Variants in ACTR3C observed in about 807,000 individuals in gnomAD.
The protein encoded by ACTR3C is actin-related protein 3C.
ACTR3C carries 18 observed loss-of-function variants against 26.3 expected under a neutral mutation model. That is an observed-to-expected ratio of 0.68 (90% CI 0.47 to 1.01). ACTR3C has a LOEUF of 1.01. ACTR3C is among the 50% of genes least tolerant of loss of function. ACTR3C has a pLI of 0.00. For missense variants in ACTR3C, 184 were observed against 250.7 expected, an observed-to-expected ratio of 0.73 and a Z score of 1.80; for synonymous variants, 55 against 94.5, an observed-to-expected ratio of 0.58 and a Z score of 2.42.
the ACTR3C span, among the ~76,000 whole-genome samples, chr7:149,928,484 G>A: frequency 1.1e-3 from 171 of 149,528 alleles, no homozygotes; most frequent in African/African-American, 3.9e-3. Flanking sequence ...CTCCCAAAGT[G>A]CTGGGACTAC....
At chr7:150,035,610 C>T in the ACTR3C span, among the ~76,000 whole-genome samples, 3 of 128,448 alleles carry the variant, frequency 2.3e-5, no homozygotes, top group South Asian at 4.9e-4. Context: ...CGTAAGGTAC[C>T]TGCCGTCGGA....
chr7:149,885,430 C>A, the ACTR3C span, among the ~76,000 whole-genome samples: 160 of 152,366 alleles, frequency 1.1e-3, no homozygotes, highest in African/African-American at 3.3e-3. Flanking sequence ...GCTGGTCCCT[C>A]TGCGAGCTGG....
the ACTR3C span, among the ~76,000 whole-genome samples, chr7:150,199,725 C>CAAAAAAAAA: frequency 7.0e-5 from 6 of 86,070 alleles, no homozygotes; most frequent in Non-Finnish European, 1.0e-4. Context: ...ATATTTTTAT[C>CAAAAAAAAA]AAAAAAAAAA....
At chr7:150,149,909 A>G in the ACTR3C span, among the ~76,000 whole-genome samples, 1 of 152,252 alleles carries the variant, frequency 6.6e-6, no homozygotes, top group Non-Finnish European at 1.5e-5. Context: ...ATATGTGCAC[A>G]CTGAGAAAAA....
the ACTR3C span, among the ~76,000 whole-genome samples, chr7:150,194,110 T>C: frequency 6.7e-6 from 1 of 149,752 alleles, no homozygotes; most frequent in Non-Finnish European, 1.5e-5. Context: ...TTTTAAAATT[T>C]TTGGTTTTGT....
the ACTR3C span, among the ~76,000 whole-genome samples, chr7:150,101,663 C>T: frequency 2.0e-4 from 31 of 151,860 alleles, 1 homozygote; most frequent in African/African-American, 5.8e-4. Flanking sequence ...AATCAGTCAT[C>T]GGCCAGCCAC....
the ACTR3C span, among the ~76,000 whole-genome samples, chr7:150,201,133 A>G: frequency 6.6e-6 from 1 of 152,234 alleles, no homozygotes; most frequent in East Asian, 1.9e-4. Flanking sequence ...TCAATTTTCT[A>G]ACAGTGAGCC....
chr7:149,926,917 T>C, the ACTR3C span, among the ~76,000 whole-genome samples: 1 of 152,012 alleles, frequency 6.6e-6, no homozygotes, highest in African/African-American at 2.4e-5. Flanking sequence ...TGTTAAAATA[T>C]GAAGTTCAGC....
At chr7:150,186,865 C>G in the ACTR3C span, among the ~76,000 whole-genome samples, 2 of 152,012 alleles carry the variant, frequency 1.3e-5, no homozygotes, top group East Asian at 3.9e-4. Flanking sequence ...AAGTTGATAT[C>G]AAGAGGCTAT....
At chr7:150,240,403 G>A (rs1404801997), downstream of ACTR3C, among the ~76,000 whole-genome samples, 1 of 152,258 alleles carries the variant, frequency 6.6e-6, no homozygotes, top group East Asian at 1.9e-4. Context: ...TGAGAAGTTG[G>A]AAGTTGGAAA....
the ACTR3C span, among the ~76,000 whole-genome samples, chr7:150,163,504 G>C: frequency 6.6e-6 from 1 of 151,360 alleles, no homozygotes; most frequent in South Asian, 2.1e-4. Context: ...TATATAAAAG[G>C]AGATTTTACA....
intron 1 of ACTR3C, among the ~76,000 whole-genome samples, chr7:150,299,079 T>C (rs1795192207): frequency 6.8e-6 from 1 of 147,600 alleles, no homozygotes. Flanking sequence ...CCTCCCAGAA[T>C]TCAAGCAATT....
At chr7:150,246,167 G>C (rs1422350029), downstream of ACTR3C, 2 of 152,100 alleles carry the variant, frequency 1.3e-5, no homozygotes, top group Non-Finnish European at 2.9e-5. Flanking sequence ...CTCTCCATTT[G>C]TACTTGCAGA....
the ACTR3C span, among the ~76,000 whole-genome samples, chr7:149,998,752 A>G: frequency 6.7e-6 from 1 of 150,282 alleles, no homozygotes. Context: ...AACCATATCA[A>G]TACCTCTCCC....
chr7:150,070,282 G>A, the ACTR3C span, among the ~76,000 whole-genome samples: 7 of 152,168 alleles, frequency 4.6e-5, no homozygotes, highest in Non-Finnish European at 8.8e-5. Context: ...CTCACACCTG[G>A]TGCCCTCACC....
At chr7:150,115,092 T>A in the ACTR3C span, among the ~76,000 whole-genome samples, 1 of 152,218 alleles carries the variant, frequency 6.6e-6, no homozygotes, top group African/African-American at 2.4e-5. Context: ...TGTTATTTAG[T>A]CATTTTCCTT....
the ACTR3C span, among the ~76,000 whole-genome samples, chr7:149,958,175 G>T: frequency 6.6e-6 from 1 of 151,926 alleles, no homozygotes; most frequent in Non-Finnish European, 1.5e-5. Flanking sequence ...TTGGGCAAGA[G>T]AAGTCTTCCC....
the ACTR3C span, among the ~76,000 whole-genome samples, chr7:150,051,525 A>C: frequency 6.9e-6 from 1 of 144,316 alleles, no homozygotes; most frequent in African/African-American, 2.5e-5. Context: ...GAACGTCTGA[A>C]ATACACTGTG....
At chr7:150,036,092 C>T in the ACTR3C span, among the ~76,000 whole-genome samples, 1 of 135,274 alleles carries the variant, frequency 7.4e-6, no homozygotes, top group African/African-American at 2.7e-5. Context: ...CCCCCCCCTG[C>T]GATGGGGGTG....
Sources: gnomAD v4.1 joint callset for allele counts (sites outside exome capture counted in the v4.1 genomes callset) on GRCh38, gnomAD v4.1.1 for gene constraint, MANE v1.5 for transcripts, NCBI Gene and HGNC (gene_info 2026-07-23, HGNC 2026-07-21) for gene names.